The following KLHL13 variants were observed in gnomAD, a reference collection of about 807,000 sequenced individuals.
KLHL13 encodes the protein kelch like family member 13.
KLHL13 carries 10 observed loss-of-function variants against 37.1 expected under a neutral mutation model. That is an observed-to-expected ratio of 0.27 (90% confidence interval 0.17 to 0.46). The LOEUF is 0.46. Among genes scored for constraint, KLHL13 ranks in the 20% least tolerant of loss-of-function variants. KLHL13 has a pLI of 1.00. For synonymous variants in KLHL13, 163 were observed against 181.2 expected, an observed-to-expected ratio of 0.90 and a Z score of 0.81; for missense variants, 360 against 509.3, an observed-to-expected ratio of 0.71 and a Z score of 2.82.
At chrX:117,929,426 A>G (rs1932265390) in intron 2 of KLHL13, among the ~76,000 whole-genome samples, 1 of 111,523 alleles carries the variant, frequency 9.0e-6, no homozygotes, top group Admixed American at 9.5e-5. Flanking sequence ...TTTTCAACAA[A>G]ATTTTAACAA....
intron 1 of KLHL13, among the ~76,000 whole-genome samples, chrX:118,016,317 C>T (rs1036520071): frequency 7.2e-5 from 8 of 111,374 alleles, no homozygotes; most frequent in Admixed American, 2.9e-4. Context: ...TTATACATTA[C>T]GTCAGTACAA....
At chrX:118,115,373 G>A (rs1441139651) in intron 1 of KLHL13, among the ~76,000 whole-genome samples, 1 of 112,503 alleles carries the variant, frequency 8.9e-6, no homozygotes, top group Non-Finnish European at 1.9e-5. Flanking sequence ...AACTACATGG[G>A]GAGAAAGCGA....
intron 1 of KLHL13, among the ~76,000 whole-genome samples, chrX:118,031,960 T>G (rs1433892560): frequency 9.1e-6 from 1 of 110,271 alleles, no homozygotes; most frequent in Non-Finnish European, 1.9e-5. Context: ...TTCCCTTTCC[T>G]AGTCAGAGAA....
chrX:117,961,749 G>T (rs2147860894), intron 1 of KLHL13, among the ~76,000 whole-genome samples: 1 of 110,862 alleles, frequency 9.0e-6, no homozygotes, highest in South Asian at 3.9e-4. Flanking sequence ...TTAACTTATA[G>T]CCAACAAGAT....
intron 1 of KLHL13, among the ~76,000 whole-genome samples, chrX:118,045,730 C>T (rs1029471796): frequency 2.7e-5 from 3 of 111,097 alleles, no homozygotes; most frequent in African/African-American, 9.8e-5. Flanking sequence ...TTGCTTGAAC[C>T]CGGGAGGCAG....
At chrX:118,109,632 C>T (rs1380406867) in intron 1 of KLHL13, among the ~76,000 whole-genome samples, 1 of 112,273 alleles carries the variant, frequency 8.9e-6, no homozygotes, top group Non-Finnish European at 1.9e-5. Context: ...CTGGGAGCAC[C>T]ACCTTGTCAC....
At chrX:117,973,698 CTCTT>C (rs1410843063) in exon 1 of KLHL13, 30 of 839,414 alleles carry the variant, frequency 3.6e-5, no homozygotes, top group Non-Finnish European at 3.9e-5. Context: ...ATATCACTCT[CTCTT>C]CTGCAGCAGC....
intron 1 of KLHL13, among the ~76,000 whole-genome samples, chrX:118,036,015 A>C (rs2054434647): frequency 9.8e-6 from 1 of 102,551 alleles, no homozygotes; most frequent in Non-Finnish European, 1.9e-5. Flanking sequence ...AGAATAAAAT[A>C]CCTAGGAGTC....
intron 1 of KLHL13, among the ~76,000 whole-genome samples, chrX:118,069,867 C>A (rs2054838721): frequency 8.9e-6 from 1 of 112,184 alleles, no homozygotes; most frequent in Non-Finnish European, 1.9e-5. Flanking sequence ...CATTCACATT[C>A]TCTTCTCACT....
At chrX:117,912,017 TA>T (rs1931026946) in intron 4 of KLHL13, among the ~76,000 whole-genome samples, 1 of 111,835 alleles carries the variant, frequency 8.9e-6, no homozygotes, top group African/African-American at 3.2e-5. Flanking sequence ...ACGTGGTTAA[TA>T]AAAAGTCCAT....
chrX:118,055,510 T>A (rs1420198776), intron 1 of KLHL13, among the ~76,000 whole-genome samples: 2 of 112,218 alleles, frequency 1.8e-5, no homozygotes, highest in Non-Finnish European at 3.8e-5. Flanking sequence ...TCTTTAGGAC[T>A]TTTTACAATT....
intron 2 of KLHL13, among the ~76,000 whole-genome samples, chrX:117,935,293 C>T (rs150730346): frequency 0.012 from 1,311 of 112,364 alleles, 20 homozygotes; most frequent in African/African-American, 0.04. Context: ...AGGAAGGAAG[C>T]ATGTTATATG....
intron 1 of KLHL13, among the ~76,000 whole-genome samples, chrX:117,956,511 T>C (rs1314531571): frequency 8.9e-6 from 1 of 112,239 alleles, no homozygotes; most frequent in Non-Finnish European, 1.9e-5. Flanking sequence ...TGAAGATAAC[T>C]GGAGCGTTTT....
intron 5 of KLHL13, among the ~76,000 whole-genome samples, chrX:117,907,345 A>G (rs1224248398): frequency 9.0e-6 from 1 of 111,667 alleles, no homozygotes; most frequent in African/African-American, 3.3e-5. Context: ...GCTTTTAATT[A>G]GTATTAGGAA....
chrX:117,920,363 T>G lies in KLHL13; in HGVS notation c.248A>C (p.Asp83Ala), dbSNP rs1931621146. 1.7e-6 allele frequency: 2 copies of G among 1,203,079 alleles called. No homozygotes were observed. The highest frequency in any genetic ancestry group is 2.2e-6 in the Non-Finnish European group (2 of 893,102). Residue 83 changes from aspartate to alanine, a missense_variant, in exon 3 of 7, where the codon GAC becomes GCC. Asp to Ala is a moderately radical substitution (Grantham distance 126, BLOSUM62 -2). Coordinates refer to ENST00000262820, the Ensembl canonical transcript of KLHL13. ...AAGCAATCCTTCAAGTCGAAGCTGGTCAAAGCCCTACAACAAGAACATGAG... is the reference window on the plus strand; with the variant it reads ...AAGCAATCCTTCAAGTCGAAGCTGGGCAAAGCCCTACAACAAGAACATGAG...
rs764774815 is a variant in KLHL13, at chrX:118,027,541, T to A, written c.-55-81966A>T. On this transcript the variant is annotated intron_variant, in intron 1 of 6. Transcript: ENST00000371882. ...ATTTTTATCTTTTATTTCCATTTTT[T>A]CCATGAACTTTTAAAAGTTCCCTCA... Among the ~76,000 whole-genome samples the A allele has an allele frequency of 2.7e-5, 3 of 110,574 alleles. No individual in the cohort carries two copies. In the East Asian group the frequency reaches 8.5e-4, roughly 31 times the overall value.
intron 4 of KLHL13, among the ~76,000 whole-genome samples, chrX:117,911,942 A>C (rs960058851): frequency 1.8e-5 from 2 of 112,391 alleles, no homozygotes; most frequent in African/African-American, 6.5e-5. Context: ...TAGAAAAATA[A>C]GTTAACAAAT....
intron 1 of KLHL13, among the ~76,000 whole-genome samples, chrX:118,019,982 T>G (rs2054182818): frequency 9.2e-6 from 1 of 108,769 alleles, no homozygotes; most frequent in Admixed American, 9.9e-5. Flanking sequence ...GTGGGCTCTT[T>G]TTTGGTTCCA....
At chrX:118,083,495 A>G (rs982997780) in intron 1 of KLHL13, among the ~76,000 whole-genome samples, 75 of 111,803 alleles carry the variant, frequency 6.7e-4, no homozygotes, top group African/African-American at 2.2e-3. Flanking sequence ...GACAAATACC[A>G]TATGATTCCA....
Sources: gnomAD v4.1 joint callset for allele counts (sites outside exome capture counted in the v4.1 genomes callset) on GRCh38, gnomAD v4.1.1 for gene constraint, MANE v1.5 for transcripts, NCBI Gene and HGNC (gene_info 2026-07-23, HGNC 2026-07-21) for gene names.